HMGA2: variants seen among roughly 807,000 people sequenced by gnomAD.
HMGA2 encodes the protein high mobility group AT-hook 2, also known as high mobility group protein HMGI-C.
A neutral mutation model predicts 19.1 loss-of-function variants in HMGA2; 8 were observed. The ratio of observed to expected loss-of-function variants is 0.42; its 90% CI spans 0.25 to 0.76. HMGA2 has a LOEUF of 0.76. HMGA2 is among the 30% of genes least tolerant of loss of function. The pLI, the probability that HMGA2 is intolerant of heterozygous loss-of-function variation, is 0.28. For missense variants in HMGA2, 109 were observed against 136.3 expected, an observed-to-expected ratio of 0.80 and a Z score of 1.00; for synonymous variants, 60 against 48.8, an observed-to-expected ratio of 1.23 and a Z score of -0.96.
At chr12:65,849,822 G>A (rs921976212) in intron 3 of HMGA2, among the ~76,000 whole-genome samples, 3 of 147,292 alleles carry the variant, frequency 2.0e-5, no homozygotes, top group Non-Finnish European at 3.0e-5. Flanking sequence ...GGGTTCAGGC[G>A]ATTCTTAAGC....
chr12:65,938,791 T>C (rs1169660028), intron 3 of HMGA2, among the ~76,000 whole-genome samples: 1 of 152,066 alleles, frequency 6.6e-6, no homozygotes, highest in Non-Finnish European at 1.5e-5. Flanking sequence ...TTGAGACTAC[T>C]ACTATCAAAT....
At chr12:65,902,729 A>G (rs1228321648) in intron 3 of HMGA2, among the ~76,000 whole-genome samples, 1 of 152,204 alleles carries the variant, frequency 6.6e-6, no homozygotes, top group Non-Finnish European at 1.5e-5. Context: ...AGAAGAAAGT[A>G]GAGAACTATA....
At chr12:65,850,309 C>T (rs1028739146) in intron 3 of HMGA2, among the ~76,000 whole-genome samples, 4 of 152,048 alleles carry the variant, frequency 2.6e-5, no homozygotes, top group African/African-American at 9.7e-5. Context: ...CAGCTATGAC[C>T]CTATTTGCAC....
At chr12:65,907,411 C>CA (rs762897630) in intron 3 of HMGA2, among the ~76,000 whole-genome samples, 9,840 of 54,216 alleles carry the variant, frequency 0.18, 723 homozygotes, top group African/African-American at 0.24. Flanking sequence ...GATTCCGTCT[C>CA]AAAAAAAAAA....
chr12:65,882,220 C>T, intron 3 of HMGA2: 1 of 327,472 alleles, frequency 3.1e-6, no homozygotes, highest in Non-Finnish European at 6.0e-6. Flanking sequence ...GAGGCTCCTG[C>T]CAGTTGGCCC....
chr12:65,838,972 TTTTCTTTTTC>T (rs1172777358), intron 3 of HMGA2, among the ~76,000 whole-genome samples: 9 of 150,750 alleles, frequency 6.0e-5, no homozygotes, highest in Non-Finnish European at 1.2e-4. Context: ...CGTTTTTCTT[TTTTCTTTTTC>T]TTTCTTTTTC....
intron 3 of HMGA2, among the ~76,000 whole-genome samples, chr12:65,888,956 G>A (rs543521073): frequency 6.6e-6 from 1 of 152,108 alleles, no homozygotes; most frequent in East Asian, 1.9e-4. Context: ...GTCTAACTTC[G>A]AGCCTGCTCT....
At chr12:65,955,939 A>T (rs1358629631) in intron 4 of HMGA2, 2 of 152,126 alleles carry the variant, frequency 1.3e-5, no homozygotes, top group Non-Finnish European at 2.9e-5. Flanking sequence ...AAAATGAGAG[A>T]TTTCATTTTG....
At chr12:65,873,996 T>C (rs1265681192) in intron 3 of HMGA2, 1 of 152,224 alleles carries the variant, frequency 6.6e-6, no homozygotes, top group East Asian at 1.9e-4. Flanking sequence ...GTTTTTTATC[T>C]CTCTATAGCC....
At chr12:65,907,404 T>G (rs1180032490) in intron 3 of HMGA2, among the ~76,000 whole-genome samples, 1 of 131,814 alleles carries the variant, frequency 7.6e-6, no homozygotes, top group Non-Finnish European at 1.6e-5. Context: ...AGTGAGAGAT[T>G]CCGTCTCAAA....
At chr12:65,862,308 T>C (rs1311442096) in intron 3 of HMGA2, among the ~76,000 whole-genome samples, 1 of 113,878 alleles carries the variant, frequency 8.8e-6, no homozygotes, top group Non-Finnish European at 1.8e-5. Context: ...CACACACACA[T>C]TCCATAACTT....
At position 65,939,166 on chromosome 12, in the gene HMGA2, C is replaced by T. The variant is rs58603532; in HGVS notation, c.250-12217C>T. Reference sequence around the variant, plus strand: ...GGGACTGAGTGAGTCAGGTAGATGGCCAATTTCCCTGCTTTGGGAAGATTC... The same window carrying T: ...GGGACTGAGTGAGTCAGGTAGATGGTCAATTTCCCTGCTTTGGGAAGATTC... On this transcript the variant is annotated intron_variant, in intron 3 of 4. Transcript: ENST00000403681. Among the ~76,000 whole-genome samples the T allele has an allele frequency of 8.7e-3, 1,325 of 152,252 alleles. 22 individuals carry two copies. The highest frequency in any genetic ancestry group is 0.03 in the African/African-American group (1,238 of 41,542).
intron 3 of HMGA2, among the ~76,000 whole-genome samples, chr12:65,845,808 G>T (rs910168860): frequency 6.6e-6 from 1 of 152,138 alleles, no homozygotes; most frequent in South Asian, 2.1e-4. Flanking sequence ...CATAACTAAT[G>T]GCTGTCAAGC....
intron 3 of HMGA2, among the ~76,000 whole-genome samples, chr12:65,906,290 G>C (rs1874588958): frequency 6.6e-6 from 1 of 152,166 alleles, no homozygotes; most frequent in Non-Finnish European, 1.5e-5. Context: ...TGGAAGTCTT[G>C]TGGGAGAGGT....
chr12:65,829,816 C>T (rs1592370727), intron 2 of HMGA2, among the ~76,000 whole-genome samples: 1 of 151,972 alleles, frequency 6.6e-6, no homozygotes, highest in East Asian at 1.9e-4. Context: ...AAAAGGGAAG[C>T]TGAAGCTAGT....
At chr12:65,875,627 TTTTA>T in intron 3 of HMGA2, among the ~76,000 whole-genome samples, 3 of 110,528 alleles carry the variant, frequency 2.7e-5, no homozygotes, top group Non-Finnish European at 5.2e-5. Context: ...TTTTTTTTTT[TTTTA>T]GTAAAGACAA....
Position 65,825,424 on chromosome 12 carries a change from C to G in HMGA2, c.111+43C>G. ...GTGGGGGCACCAGCCCACCCCGTCC[C>G]CACTGCCGGGGCCCAGACACGCGCG... On this transcript the variant is annotated intron_variant, in intron 1 of 4. Transcript: ENST00000403681. This position sits in a 1 kb window ranked among gnomAD's most constrained non-coding sequence, Gnocchi z 4.4. The G allele has an allele frequency of 7.2e-7, 1 of 1,395,298 alleles. No individual in the cohort carries two copies. Among genetic ancestry groups the G allele is most frequent in the Non-Finnish European group, 9.6e-7 (1 of 1,043,488 alleles). The allele number at this position is 1,395,298 out of a possible 1,614,324, so 86.4% of individuals were successfully genotyped here. A position where few individuals can be genotyped will look rare whatever the true frequency, so the allele number is the denominator to read the frequency against.
chr12:65,851,687 T>C (rs1276119251), intron 3 of HMGA2: 1 of 441,422 alleles, frequency 2.3e-6, no homozygotes, highest in Admixed American at 2.4e-5. Flanking sequence ...AAAAAATCAT[T>C]AGTTTTAAAC....
intron 3 of HMGA2, among the ~76,000 whole-genome samples, chr12:65,921,232 G>C (rs1875295926): frequency 6.6e-6 from 1 of 152,122 alleles, no homozygotes; most frequent in Non-Finnish European, 1.5e-5. Context: ...GAGGTGACTT[G>C]GGTACTGTTA....
Sources: allele counts gnomAD v4.1 joint callset (sites outside exome capture counted in the v4.1 genomes callset), GRCh38; gene constraint gnomAD v4.1.1; non-coding constraint Gnocchi (gnomAD v3.1); transcripts MANE v1.5; gene names NCBI Gene and HGNC (gene_info 2026-07-23, HGNC 2026-07-21).